The following GCH1 variants were observed in gnomAD, a reference collection of about 807,000 sequenced individuals.
The protein encoded by GCH1 is GTP cyclohydrolase 1, also known as GTP cyclohydrolase I.
GCH1 carries 5 observed loss-of-function variants against 25.9 expected under a neutral mutation model. That is an observed-to-expected ratio of 0.19 (90% CI 0.10 to 0.41). The LOEUF (loss-of-function observed/expected upper bound fraction) is 0.41, where lower values mean the gene tolerates loss of function less well. Among genes scored for constraint, GCH1 ranks in the 10% least tolerant of loss-of-function variants. The pLI is 1.00. For synonymous variants in GCH1, 159 were observed against 129.6 expected (o/e 1.23, Z -1.54); for missense variants, 261 against 336.5 (o/e 0.78, Z 1.75).
At chr14:54,877,428 A>C (rs2140093649) in intron 1 of GCH1, among the ~76,000 whole-genome samples, 1 of 152,326 alleles carries the variant, frequency 6.6e-6, no homozygotes, top group African/African-American at 2.4e-5. Context: ...AACATCCCTC[A>C]AGTATTTAGT....
At chr14:54,863,261 T>C (rs956909857) in intron 2 of GCH1, among the ~76,000 whole-genome samples, 3 of 150,374 alleles carry the variant, frequency 2.0e-5, no homozygotes, top group Non-Finnish European at 4.4e-5. Flanking sequence ...CTACTAAAAA[T>C]ACAACAACAA....
At chr14:54,892,950 G>C (rs1240942130) in intron 1 of GCH1, among the ~76,000 whole-genome samples, 1 of 152,038 alleles carries the variant, frequency 6.6e-6, no homozygotes, top group African/African-American at 2.4e-5. Context: ...ATGGTGGTGG[G>C]CACCTGTAAT....
chr14:54,842,367 G>T lies in GCH1; in HGVS notation c.*1650C>A, dbSNP rs1489546894. ...ATAGCTGACAATTTCTTTGGTCCTCGAAGTCACACTTGTTTTTACTTTAAA... is the reference window on the plus strand; with the variant it reads ...ATAGCTGACAATTTCTTTGGTCCTCTAAGTCACACTTGTTTTTACTTTAAA... On this transcript the variant is annotated 3_prime_UTR_variant, in exon 6 of 6. Transcript: ENST00000491895. 6.5e-6 allele frequency: 1 copy of T among 152,722 alleles called. No individual in the cohort carries two copies. Among genetic ancestry groups the T allele is most frequent in the South Asian group, 2.1e-4 (1 of 4,824 alleles). 9.5% of individuals were successfully genotyped at this position (152,722 alleles called of 1,614,324 possible). A position where few individuals can be genotyped will look rare whatever the true frequency, so the allele number is the denominator to read the frequency against.
chr14:54,856,611 C>A (rs543393279), intron 3 of GCH1, among the ~76,000 whole-genome samples: 1 of 152,162 alleles, frequency 6.6e-6, no homozygotes, highest in South Asian at 2.1e-4. Flanking sequence ...TGCTACCATG[C>A]CCTGCTAATT....
At chr14:54,850,118 T>A (rs1048088413) in intron 3 of GCH1, among the ~76,000 whole-genome samples, 1 of 151,558 alleles carries the variant, frequency 6.6e-6, no homozygotes, top group East Asian at 1.9e-4. Context: ...CGATTACAGG[T>A]GCCTGCCACC....
At chr14:54,874,542 G>A (rs959909891) in intron 1 of GCH1, among the ~76,000 whole-genome samples, 14 of 152,296 alleles carry the variant, frequency 9.2e-5, no homozygotes, top group African/African-American at 3.4e-4. Context: ...AGGAAAAGAG[G>A]AAGTCAAATG....
chr14:54,859,223 T>A (rs2039859053), intron 3 of GCH1: 1 of 183,808 alleles, frequency 5.4e-6, no homozygotes, highest in Non-Finnish European at 1.1e-5. Context: ...CAGTGTTGTA[T>A]GAAAGCAAAG....
chr14:54,859,576 T>TA (rs931289494), intron 3 of GCH1, 105 bp downstream of exon 3: 18 of 780,946 alleles, frequency 2.3e-5, no homozygotes, highest in Admixed American at 2.1e-4. Flanking sequence ...ACTTCCAAGT[T>TA]AGATCCATAC....
intron 2 of GCH1, among the ~76,000 whole-genome samples, chr14:54,862,800 A>C (rs974872573): frequency 1.3e-5 from 2 of 151,730 alleles, no homozygotes; most frequent in African/African-American, 4.8e-5. Flanking sequence ...AGTCTTATGA[A>C]ACTTTAGATC....
At chr14:54,872,714 C>G (rs916188340) in intron 1 of GCH1, among the ~76,000 whole-genome samples, 3 of 152,078 alleles carry the variant, frequency 2.0e-5, no homozygotes, top group African/African-American at 7.2e-5. Flanking sequence ...TCTGATAAAA[C>G]AGACTTTAAA....
chr14:54,848,571 T>C (rs2039679442), intron 3 of GCH1, among the ~76,000 whole-genome samples: 1 of 152,186 alleles, frequency 6.6e-6, no homozygotes, highest in Non-Finnish European at 1.5e-5. Flanking sequence ...TGAATTCAGA[T>C]TCAATTTATG....
intron 1 of GCH1, among the ~76,000 whole-genome samples, chr14:54,897,299 T>C (rs1002144854): frequency 6.6e-6 from 1 of 150,822 alleles, no homozygotes; most frequent in African/African-American, 2.4e-5. Context: ...ACTCACTTTT[T>C]TTTTCTGAGA....
chr14:54,869,536 A>C (rs2040039105), intron 1 of GCH1, among the ~76,000 whole-genome samples: 1 of 152,066 alleles, frequency 6.6e-6, no homozygotes, highest in Admixed American at 6.6e-5. Flanking sequence ...GCTGGAGTGC[A>C]ATGGCACAAT....
At chr14:54,884,208 T>C (rs1297826966) in intron 1 of GCH1, among the ~76,000 whole-genome samples, 1 of 152,190 alleles carries the variant, frequency 6.6e-6, no homozygotes, top group African/African-American at 2.4e-5. Flanking sequence ...GTAAAACTGA[T>C]AGTTCACATA....
At chr14:54,846,660 G>A (rs901673472) in intron 4 of GCH1, among the ~76,000 whole-genome samples, 1 of 152,320 alleles carries the variant, frequency 6.6e-6, no homozygotes, top group Middle Eastern at 3.4e-3. Flanking sequence ...GATTTCTTCT[G>A]GAAGCTTGAA....
intron 1 of GCH1, among the ~76,000 whole-genome samples, chr14:54,894,353 A>C (rs1047098014): frequency 6.6e-6 from 1 of 152,178 alleles, no homozygotes; most frequent in Admixed American, 6.5e-5. Flanking sequence ...GAACACCATC[A>C]ACTGACGGCC....
chr14:54,879,730 T>C (rs1214714817), intron 1 of GCH1, among the ~76,000 whole-genome samples: 1 of 152,078 alleles, frequency 6.6e-6, no homozygotes, highest in African/African-American at 2.4e-5. Flanking sequence ...CCGGTCGCAG[T>C]GGCTCACGCC....
At chr14:54,862,455 T>C (rs1183056864) in intron 2 of GCH1, among the ~76,000 whole-genome samples, 1 of 144,830 alleles carries the variant, frequency 6.9e-6, no homozygotes, top group African/African-American at 2.6e-5. Context: ...TGATCTCGGC[T>C]CACTGCAGCC....
chr14:54,859,322 C>T (rs1033598176), intron 3 of GCH1: 10 of 294,618 alleles, frequency 3.4e-5, no homozygotes, highest in Admixed American at 9.3e-5. Flanking sequence ...GACCCCTGCC[C>T]AGCTTCTTCC....
Sources: allele counts gnomAD v4.1 joint callset (sites outside exome capture counted in the v4.1 genomes callset), GRCh38; gene constraint gnomAD v4.1.1; transcripts MANE v1.5; gene names NCBI Gene and HGNC (gene_info 2026-07-23, HGNC 2026-07-21).